The following CCSER1 variants were observed in gnomAD, a reference collection of about 807,000 sequenced individuals.
The protein encoded by CCSER1 is serine-rich coiled-coil domain-containing protein 1.
In CCSER1, 41 loss-of-function variants were observed where a neutral mutation model predicts 82.0. The observed-to-expected ratio is 0.50, with a 90% confidence interval of 0.39 to 0.65. The LOEUF is 0.65. Ranked by LOEUF, CCSER1 falls within the 30% of genes least tolerant of loss-of-function variation. The pLI is 0.00. For missense variants in CCSER1, 1,119 were observed against 1,064.2 expected, an observed-to-expected ratio of 1.05 and a Z score of -0.72; for synonymous variants, 414 against 383.9, an observed-to-expected ratio of 1.08 and a Z score of -0.92.
intron 5 of CCSER1, among the ~76,000 whole-genome samples, chr4:90,544,848 A>T (rs944643503): frequency 6.6e-6 from 1 of 152,148 alleles, no homozygotes; most frequent in African/African-American, 2.4e-5. Context: ...AATTTGGGCG[A>T]TGTTAAATTA....
intron 1 of CCSER1, among the ~76,000 whole-genome samples, chr4:90,278,298 ACC>A (rs1553985530): frequency 6.6e-6 from 1 of 152,150 alleles, no homozygotes; most frequent in Non-Finnish European, 1.5e-5. Context: ...GTGTTGAACT[ACC>A]ATTCAACCCA....
intron 5 of CCSER1, among the ~76,000 whole-genome samples, chr4:90,535,973 G>C (rs1184270185): frequency 6.6e-6 from 1 of 150,440 alleles, no homozygotes; most frequent in Non-Finnish European, 1.5e-5. Flanking sequence ...TGCCTTGATT[G>C]TAACATAACA....
intron 5 of CCSER1, among the ~76,000 whole-genome samples, chr4:90,509,486 A>G (rs1453869453): frequency 6.6e-6 from 1 of 152,190 alleles, no homozygotes; most frequent in African/African-American, 2.4e-5. Flanking sequence ...GAATTGAGTC[A>G]TATTTTCTAC....
At chr4:90,596,138 A>G (rs1783303314) in intron 5 of CCSER1, among the ~76,000 whole-genome samples, 1 of 151,970 alleles carries the variant, frequency 6.6e-6, no homozygotes, top group Admixed American at 6.6e-5. Context: ...ACTACTTTGG[A>G]AACAAAACTA....
At chr4:90,687,813 T>A (rs1295038840) in intron 6 of CCSER1, among the ~76,000 whole-genome samples, 1 of 152,092 alleles carries the variant, frequency 6.6e-6, no homozygotes, top group East Asian at 1.9e-4. Flanking sequence ...AACATATACT[T>A]CATAATTGAT....
chr4:91,245,520 G>T (rs1560539914), intron 10 of CCSER1, among the ~76,000 whole-genome samples: 1 of 152,024 alleles, frequency 6.6e-6, no homozygotes, highest in Non-Finnish European at 1.5e-5. Flanking sequence ...GGAAAAAACT[G>T]TTACCCTAGA....
chr4:90,360,387 G>A (rs1433737345), intron 3 of CCSER1, among the ~76,000 whole-genome samples: 4 of 149,870 alleles, frequency 2.7e-5, no homozygotes, highest in East Asian at 2.0e-4. Flanking sequence ...AAAATTAGCC[G>A]GGTGTGGTGG....
intron 6 of CCSER1, among the ~76,000 whole-genome samples, chr4:90,645,182 A>G (rs1164229003): frequency 1.3e-5 from 2 of 152,152 alleles, no homozygotes; most frequent in Non-Finnish European, 2.9e-5. Flanking sequence ...TCTCTGATCA[A>G]GTTACATTGT....
chr4:90,800,863 G>T (rs1231117357), intron 7 of CCSER1, among the ~76,000 whole-genome samples: 1 of 151,946 alleles, frequency 6.6e-6, no homozygotes, highest in African/African-American at 2.4e-5. Flanking sequence ...AAATACCAAT[G>T]TTTATTTTTA....
chr4:90,792,661 C>T (rs1755426208), intron 7 of CCSER1, among the ~76,000 whole-genome samples: 1 of 152,228 alleles, frequency 6.6e-6, no homozygotes, highest in Admixed American at 6.5e-5. Flanking sequence ...TTGTTACTTA[C>T]AGCTCAAAGG....
intron 8 of CCSER1, among the ~76,000 whole-genome samples, chr4:90,915,659 G>A (rs1334762014): frequency 6.6e-6 from 1 of 152,208 alleles, no homozygotes; most frequent in African/African-American, 2.4e-5. Context: ...TGGAAGTTCT[G>A]GCCAGGTCAA....
In CCSER1 at chr4:90,245,898, G is replaced by GA. The variant is rs550282723; in HGVS notation, c.-41-62338dup. On this transcript the variant is annotated intron_variant, in intron 1 of 10. Coordinates refer to ENST00000509176, the MANE Select transcript of CCSER1 (RefSeq NM_001145065.2). ...AGGAATCTAATAGCCTAAGAAAAGT[G>GA]AAAAAAAAGCAGCCTTTTGTGTGTT... Among the ~76,000 whole-genome samples, 564 of 151,650 alleles carry GA rather than the reference G, an allele frequency of 3.7e-3. 2 individuals carry two copies. The highest frequency in any genetic ancestry group is 6.5e-3 in the Non-Finnish European group (443 of 67,840).
intron 10 of CCSER1, among the ~76,000 whole-genome samples, chr4:91,234,219 A>G (rs769323849): frequency 1.3e-5 from 2 of 152,058 alleles, no homozygotes; most frequent in African/African-American, 4.8e-5. Flanking sequence ...TGTTCGCTTC[A>G]GTCTCATCTT....
intron 4 of CCSER1, among the ~76,000 whole-genome samples, chr4:90,404,625 A>C (rs1220224377): frequency 6.6e-6 from 1 of 152,110 alleles, no homozygotes; most frequent in Admixed American, 6.6e-5. Flanking sequence ...CTCCCCTGCT[A>C]CCTCCACCAG....
chr4:90,865,319 T>C (rs1164376246), intron 8 of CCSER1, among the ~76,000 whole-genome samples: 1 of 152,036 alleles, frequency 6.6e-6, no homozygotes, highest in African/African-American at 2.4e-5. Context: ...ACAAATTCTC[T>C]CTAGAATTTC....
In CCSER1 at chr4:91,349,040, G is replaced by A. The variant is rs556400599; in HGVS notation, c.2218-249532G>A. Among the ~76,000 whole-genome samples the A allele has an allele frequency of 3.2e-3, 479 of 151,990 alleles. 1 individual carries two copies. Among genetic ancestry groups the A allele is most frequent in the Non-Finnish European group, 5.4e-3 (368 of 67,932 alleles). On this transcript the variant is annotated intron_variant, in intron 10 of 10. Coordinates refer to ENST00000509176, the MANE Select transcript of CCSER1 (RefSeq NM_001145065.2). The stretch of plus-strand genomic sequence containing the variant: ...TCTTCTGCCTCAGCCTCCCAAGTAG[G>A]TGGGACTACAGGCACCGCCACCGTG...
At chr4:91,356,522 G>A (rs1037335681) in intron 10 of CCSER1, among the ~76,000 whole-genome samples, 21 of 152,088 alleles carry the variant, frequency 1.4e-4, no homozygotes, top group African/African-American at 4.8e-4. Flanking sequence ...CTTGCTTTAC[G>A]ATGTCTTATT....
intron 3 of CCSER1, among the ~76,000 whole-genome samples, chr4:90,337,818 A>G (rs1740692048): frequency 1.3e-5 from 2 of 152,148 alleles, no homozygotes; most frequent in Admixed American, 1.3e-4. Context: ...AGAAACATCT[A>G]TATTTTCCCA....
chr4:90,369,460 A>G (rs1178340704), intron 3 of CCSER1, among the ~76,000 whole-genome samples: 2 of 151,992 alleles, frequency 1.3e-5, no homozygotes, highest in African/African-American at 4.8e-5. Flanking sequence ...TGAAGAAGAT[A>G]TAGGGAGATT....
Sources: allele counts gnomAD v4.1 joint callset (sites outside exome capture counted in the v4.1 genomes callset), GRCh38; gene constraint gnomAD v4.1.1; transcripts MANE v1.5; gene names NCBI Gene and HGNC (gene_info 2026-07-23, HGNC 2026-07-21).